COL19A1: variants seen among roughly 807,000 people sequenced by gnomAD.
COL19A1 encodes the protein collagen type XIX alpha 1 chain.
Under a neutral mutation model 190.2 loss-of-function variants are expected in COL19A1, and 159 were observed. The observed-to-expected ratio is 0.84, with a 90% CI of 0.73 to 0.95. The LOEUF (loss-of-function observed/expected upper bound fraction) is 0.95. Ranked by LOEUF, COL19A1 falls within the 40% of genes least tolerant of loss-of-function variation. The probability of loss-of-function intolerance (pLI) is 0.00; values close to 1 mark genes in which losing one functional copy is unlikely to be tolerated. For missense variants in COL19A1, 1,418 were observed against 1,431.9 expected (o/e 0.99, Z 0.16); for synonymous variants, 509 against 458.9 (o/e 1.11, Z -1.39).
At chr6:70,039,606 C>A (rs1321822958) in intron 14 of COL19A1, among the ~76,000 whole-genome samples, 11 of 152,178 alleles carry the variant, frequency 7.2e-5, no homozygotes, top group African/African-American at 2.7e-4. Flanking sequence ...GAGCTGAACA[C>A]TTTTTCCCCC....
rs1345832718 is a variant in COL19A1, at chr6:70,199,825, T to C, written c.3223+89T>C. ...TCACAGTTAAGGAAAAAAGTATGTA[T>C]GTATGTCCTTTATTTATACATTACA... is the stretch of plus-strand genomic sequence containing the variant. On this transcript the variant is annotated intron_variant, in intron 49 of 50. Coordinates refer to ENST00000620364, the MANE Select transcript of COL19A1 (RefSeq NM_001858.6). 14 of 1,297,592 alleles carry C rather than the reference T, an allele frequency of 1.1e-5. No individual in the cohort carries two copies. In the East Asian group the frequency reaches 2.2e-4, roughly 21 times the overall value. 80.4% of individuals were successfully genotyped at this position (1,297,592 alleles called of 1,614,324 possible).
chr6:70,027,403 T>G (rs1187981844), intron 12 of COL19A1, among the ~76,000 whole-genome samples: 1 of 152,206 alleles, frequency 6.6e-6, no homozygotes, highest in African/African-American at 2.4e-5. Context: ...CTCTTGGCAT[T>G]TTGGCAAGAC....
intron 48 of COL19A1, among the ~76,000 whole-genome samples, chr6:70,193,951 C>T (rs1374185410): frequency 6.6e-6 from 1 of 152,228 alleles, no homozygotes; most frequent in East Asian, 1.9e-4. Context: ...AGTTTTTTCT[C>T]TAAAAGCAAA....
chr6:70,057,281 G>A (rs1165291255), intron 14 of COL19A1, among the ~76,000 whole-genome samples: 1 of 151,996 alleles, frequency 6.6e-6, no homozygotes, highest in African/African-American at 2.4e-5. Context: ...TGATACAAAT[G>A]GATTTGACAG....
chr6:70,026,389 G>C (rs1778732432), intron 12 of COL19A1, among the ~76,000 whole-genome samples: 1 of 152,166 alleles, frequency 6.6e-6, no homozygotes, highest in African/African-American at 2.4e-5. Flanking sequence ...ATCCCTTTGA[G>C]GAATCTTGAA....
At chr6:70,072,959 T>TTTTATTTATTTA (rs70987496) in intron 15 of COL19A1, among the ~76,000 whole-genome samples, 2,937 of 144,142 alleles carry the variant, frequency 0.02, 60 homozygotes, top group Middle Eastern at 0.056. Flanking sequence ...ATTGCCTGAA[T>TTTTATTTATTTA]TTTATTTATT....
intron 27 of COL19A1, among the ~76,000 whole-genome samples, chr6:70,149,283 C>T (rs1786877721): frequency 6.6e-6 from 1 of 152,096 alleles, no homozygotes; most frequent in African/African-American, 2.4e-5. Context: ...TAGTGTTTTA[C>T]CTCCTACTCC....
chr6:70,176,304 G>A (rs1765800418), intron 41 of COL19A1, among the ~76,000 whole-genome samples: 1 of 152,062 alleles, frequency 6.6e-6, no homozygotes, highest in Non-Finnish European at 1.5e-5. Context: ...TTAGTTTTAT[G>A]GAAAATAAAA....
intron 18 of COL19A1, among the ~76,000 whole-genome samples, chr6:70,134,150 TGGGTAACACGAA>T (rs377211418): frequency 2.6e-5 from 4 of 152,228 alleles, no homozygotes; most frequent in African/African-American, 9.6e-5. Flanking sequence ...ACCTACCAGA[TGGGTAACACGAA>T]GGTCACTCTG....
intron 16 of COL19A1, among the ~76,000 whole-genome samples, chr6:70,118,882 C>A (rs940643191): frequency 2.6e-5 from 4 of 152,136 alleles, no homozygotes; most frequent in Non-Finnish European, 2.9e-5. Flanking sequence ...CCACCCCACC[C>A]CCAGTGGTAA....
intron 42 of COL19A1, among the ~76,000 whole-genome samples, chr6:70,177,937 A>T (rs1445667015): frequency 6.6e-6 from 1 of 152,222 alleles, no homozygotes; most frequent in African/African-American, 2.4e-5. Flanking sequence ...TATTTAAAAG[A>T]TGTGCAACAG....
intron 38 of COL19A1, 44 bp downstream of exon 38, chr6:70,168,119 G>A: frequency 1.2e-6 from 2 of 1,602,092 alleles, no homozygotes; most frequent in East Asian, 2.3e-5. Flanking sequence ...ATAGACTGCT[G>A]TAAATTCGTC....
chr6:69,953,201 A>G (rs188061089), intron 9 of COL19A1, among the ~76,000 whole-genome samples: 181 of 152,176 alleles, frequency 1.2e-3, no homozygotes, highest in Non-Finnish European at 1.5e-3. Context: ...TAGGCTTTAT[A>G]AAACAAGAAT....
intron 9 of COL19A1, among the ~76,000 whole-genome samples, chr6:69,942,533 C>A (rs558009545): frequency 3.9e-5 from 6 of 152,164 alleles, no homozygotes; most frequent in Non-Finnish European, 7.4e-5. Context: ...CCACTCCCAC[C>A]CTTCCCAGCC....
chr6:69,949,906 T>C (rs760600652), intron 9 of COL19A1, among the ~76,000 whole-genome samples: 23 of 151,898 alleles, frequency 1.5e-4, no homozygotes, highest in Admixed American at 2.6e-4. Context: ...TACAATACCA[T>C]AGAATATGTA....
intron 15 of COL19A1, among the ~76,000 whole-genome samples, chr6:70,083,504 G>A (rs1041543541): frequency 6.6e-6 from 1 of 152,010 alleles, no homozygotes; most frequent in African/African-American, 2.4e-5. Flanking sequence ...ATGACAGATT[G>A]GATATTTTAA....
intron 9 of COL19A1, among the ~76,000 whole-genome samples, chr6:69,954,410 C>T (rs1302924880): frequency 1.3e-5 from 2 of 151,818 alleles, no homozygotes; most frequent in Admixed American, 6.6e-5. Context: ...GGACTTAGCC[C>T]CAAGCCAGAA....
chr6:69,924,085 T>A (rs1218733556), intron 4 of COL19A1, among the ~76,000 whole-genome samples: 1 of 152,132 alleles, frequency 6.6e-6, no homozygotes, highest in Non-Finnish European at 1.5e-5. Flanking sequence ...ATTATATTAT[T>A]TTAAATGTCT....
At chr6:69,919,777 A>G (rs562538967) in intron 4 of COL19A1, among the ~76,000 whole-genome samples, 2 of 152,266 alleles carry the variant, frequency 1.3e-5, no homozygotes, top group East Asian at 1.9e-4. Flanking sequence ...AAATATTGTC[A>G]TAGGTATGTT....
Sources: allele counts gnomAD v4.1 joint callset (sites outside exome capture counted in the v4.1 genomes callset), GRCh38; gene constraint gnomAD v4.1.1; transcripts MANE v1.5; gene names NCBI Gene and HGNC (gene_info 2026-07-23, HGNC 2026-07-21).